FGF12: variants seen among roughly 807,000 people sequenced by gnomAD.
FGF12 encodes the protein fibroblast growth factor 12B.
A neutral mutation model predicts 23.6 loss-of-function variants in FGF12; 14 were observed. The observed-to-expected ratio is 0.59, with a 90% confidence interval of 0.39 to 0.93. The LOEUF (loss-of-function observed/expected upper bound fraction) is 0.93. FGF12 is among the 40% of genes least tolerant of loss of function. The probability of loss-of-function intolerance (pLI) is 0.00; values close to 1 mark genes in which losing one functional copy is unlikely to be tolerated. For synonymous variants in FGF12, 62 were observed against 77.3 expected (o/e 0.80, Z 1.04); for missense variants, 175 against 217.8 (o/e 0.80, Z 1.24).
intron 2 of FGF12, among the ~76,000 whole-genome samples, chr3:192,471,732 T>C (rs111573512): frequency 1.6e-4 from 25 of 152,368 alleles, no homozygotes; most frequent in African/African-American, 5.0e-4. Context: ...ATGGCTAATT[T>C]ATGCTCAAAA....
At chr3:192,634,471 C>A (rs1715507695) in intron 2 of FGF12, among the ~76,000 whole-genome samples, 2 of 152,054 alleles carry the variant, frequency 1.3e-5, no homozygotes, top group Admixed American at 1.3e-4. Context: ...AATACTACAC[C>A]ATTTTACATA....
At chr3:192,206,729 T>G (rs1717667975) in intron 4 of FGF12, among the ~76,000 whole-genome samples, 1 of 152,176 alleles carries the variant, frequency 6.6e-6, no homozygotes, top group South Asian at 2.1e-4. Context: ...CCTATAAGTT[T>G]TATTTCTTCA....
chr3:192,390,859 T>C (rs1309295290), intron 2 of FGF12, among the ~76,000 whole-genome samples: 2 of 152,226 alleles, frequency 1.3e-5, no homozygotes, highest in East Asian at 1.9e-4. Flanking sequence ...GTATCATTAG[T>C]AGTGCTGTTG....
chr3:192,167,754 TATATATATATATATAA>T (rs1167807495), intron 5 of FGF12, among the ~76,000 whole-genome samples: 27 of 28,336 alleles, frequency 9.5e-4, no homozygotes, highest in Middle Eastern at 0.018. Flanking sequence ...TATATATATA[TATATATATATATATAA>T]AATTTTTTTT....
intron 2 of FGF12, among the ~76,000 whole-genome samples, chr3:192,714,890 T>A (rs1368089959): frequency 1.3e-5 from 2 of 152,176 alleles, no homozygotes; most frequent in African/African-American, 2.4e-5. Flanking sequence ...AGAATACTAG[T>A]CTATAAGTTT....
chr3:192,599,204 A>G (rs1360845812), intron 2 of FGF12, among the ~76,000 whole-genome samples: 1 of 151,390 alleles, frequency 6.6e-6, no homozygotes, highest in Non-Finnish European at 1.5e-5. Flanking sequence ...GCACGTGTAT[A>G]CCTATGTAAC....
At chr3:192,282,692 T>C (rs1714216899) in intron 4 of FGF12, 1 of 151,932 alleles carries the variant, frequency 6.6e-6, no homozygotes, top group Non-Finnish European at 1.5e-5. Context: ...TATATATATG[T>C]ATATATTAGA....
At chr3:192,563,382 A>G (rs1047273788) in intron 2 of FGF12, among the ~76,000 whole-genome samples, 1 of 152,130 alleles carries the variant, frequency 6.6e-6, no homozygotes, top group Admixed American at 6.5e-5. Context: ...CACAACTCAC[A>G]CATTCACCAC....
intron 4 of FGF12, among the ~76,000 whole-genome samples, chr3:192,244,400 C>T (rs1719778240): frequency 6.6e-6 from 1 of 151,968 alleles, no homozygotes; most frequent in African/African-American, 2.4e-5. Context: ...GGAATAATCT[C>T]CAAGAAATAT....
intron 2 of FGF12, among the ~76,000 whole-genome samples, chr3:192,378,095 T>TTTCTG (rs1553805102): frequency 0.019 from 1,578 of 82,690 alleles, 103 homozygotes; most frequent in East Asian, 0.029. Context: ...TCTTTCTTTC[T>TTTCTG]TCTTTCTTTC....
chr3:192,564,969 T>C (rs1457921875), intron 2 of FGF12, among the ~76,000 whole-genome samples: 2 of 152,218 alleles, frequency 1.3e-5, no homozygotes, highest in East Asian at 3.8e-4. Flanking sequence ...AATGCTGACA[T>C]TACTACTGAT....
intron 2 of FGF12, among the ~76,000 whole-genome samples, chr3:192,668,289 C>T (rs981334543): frequency 6.6e-6 from 1 of 152,174 alleles, no homozygotes; most frequent in African/African-American, 2.4e-5. Context: ...ACCAGAGCGG[C>T]AACCCACAGC....
rs530840874 is a variant in FGF12, at chr3:192,567,726, T to C, written c.13+159455A>G. On this transcript the variant is annotated intron_variant, in intron 2 of 5. Transcript: ENST00000445105. ...CTGCCTCCATTTTTACATGGTCTTC[T>C]CCATGTGTCTCTTTCTTTCTTTCTT... Among the ~76,000 whole-genome samples the C allele has an allele frequency of 6.6e-5, 10 of 152,126 alleles. No individual in the cohort carries two copies. The South Asian group carries it at 2.1e-3, about 32-fold the overall frequency.
At chr3:192,612,727 T>C (rs933309226) in intron 2 of FGF12, among the ~76,000 whole-genome samples, 2 of 151,962 alleles carry the variant, frequency 1.3e-5, no homozygotes, top group Non-Finnish European at 2.9e-5. Flanking sequence ...TCATACCAAC[T>C]CTTCTAAGCT....
chr3:192,635,180 T>C (rs959365665), intron 2 of FGF12, among the ~76,000 whole-genome samples: 5 of 152,244 alleles, frequency 3.3e-5, no homozygotes, highest in Admixed American at 3.3e-4. Context: ...TTTAAAATAC[T>C]ATGATCTATT....
intron 2 of FGF12, among the ~76,000 whole-genome samples, chr3:192,577,424 C>T (rs562411842): frequency 3.3e-5 from 5 of 152,112 alleles, no homozygotes; most frequent in Non-Finnish European, 5.9e-5. Context: ...TGTATGTACT[C>T]GGTTCCAGCA....
intron 4 of FGF12, among the ~76,000 whole-genome samples, chr3:192,275,505 T>A (rs1430757133): frequency 1.3e-5 from 2 of 152,200 alleles, no homozygotes; most frequent in Non-Finnish European, 2.9e-5. Context: ...AAAAAACAAT[T>A]AGGATCTTCA....
chr3:192,663,918 T>C (rs1716761180), intron 2 of FGF12, among the ~76,000 whole-genome samples: 2 of 152,228 alleles, frequency 1.3e-5, no homozygotes, highest in South Asian at 4.1e-4. Flanking sequence ...ACATGCATTA[T>C]ATAATCCCAT....
chr3:192,213,958 T>A (rs1189219762), intron 4 of FGF12, among the ~76,000 whole-genome samples: 1 of 152,170 alleles, frequency 6.6e-6, no homozygotes, highest in Non-Finnish European at 1.5e-5. Context: ...TACCAGGGCA[T>A]GAAAGACCCA....
Sources: gnomAD v4.1 joint callset for allele counts (sites outside exome capture counted in the v4.1 genomes callset) on GRCh38, gnomAD v4.1.1 for gene constraint, MANE v1.5 for transcripts, NCBI Gene and HGNC (gene_info 2026-07-23, HGNC 2026-07-21) for gene names.